The following MED13L variants were observed in gnomAD, a reference collection of about 807,000 sequenced individuals.
The protein encoded by MED13L is mediator complex subunit 13L, also known as mediator of RNA polymerase II transcription subunit 13-like.
MED13L carries 7 observed loss-of-function variants against 220.9 expected under a neutral mutation model. The ratio of observed to expected loss-of-function variants is 0.03; its 90% CI spans 0.02 to 0.06. The LOEUF is 0.06. Ranked by LOEUF, MED13L falls within the 10% of genes least tolerant of loss-of-function variation. MED13L has a pLI of 1.00. For synonymous variants in MED13L, 1,011 were observed against 1,015.2 expected (o/e 1.00, Z 0.08); for missense variants, 1,965 against 2,760.5 (o/e 0.71, Z 6.46).
intron 16 of MED13L, among the ~76,000 whole-genome samples, chr12:115,993,415 G>A (rs918453764): frequency 1.4e-4 from 21 of 152,200 alleles, no homozygotes; most frequent in East Asian, 7.7e-4. Flanking sequence ...AAAGAAGCAC[G>A]TCATAAAGAA....
At chr12:116,062,522 T>C (rs1413004368) in intron 4 of MED13L, among the ~76,000 whole-genome samples, 1 of 128,672 alleles carries the variant, frequency 7.8e-6, no homozygotes, top group Non-Finnish European at 1.6e-5. Context: ...GGAGACTCAC[T>C]CTGTTGCCAG....
chr12:116,167,240 C>G (rs997153369), intron 2 of MED13L, among the ~76,000 whole-genome samples: 1 of 151,994 alleles, frequency 6.6e-6, no homozygotes, highest in Non-Finnish European at 1.5e-5. Flanking sequence ...TAAAAAGATA[C>G]TAGGGTATGG....
At chr12:116,007,016 G>A (rs1189299187) in intron 11 of MED13L, 4 of 289,650 alleles carry the variant, frequency 1.4e-5, no homozygotes, top group Non-Finnish European at 2.7e-5. Flanking sequence ...GCTCAGCACA[G>A]TAAGGATAAG....
At chr12:115,976,133 T>C (rs1416854097) in intron 23 of MED13L, among the ~76,000 whole-genome samples, 1 of 152,192 alleles carries the variant, frequency 6.6e-6, no homozygotes, top group Non-Finnish European at 1.5e-5. Context: ...TTTTATACAT[T>C]GCTGCTTAAG....
intron 1 of MED13L, among the ~76,000 whole-genome samples, chr12:116,244,371 T>C (rs1367700731): frequency 6.6e-6 from 1 of 152,166 alleles, no homozygotes; most frequent in Non-Finnish European, 1.5e-5. Context: ...CTGTAAGACA[T>C]CAAGAAAAAC....
At chr12:116,198,914 A>T (rs1881825920) in intron 2 of MED13L, among the ~76,000 whole-genome samples, 1 of 152,238 alleles carries the variant, frequency 6.6e-6, no homozygotes, top group Non-Finnish European at 1.5e-5. Context: ...GTCTTAGTAC[A>T]TCAGAGTACA....
chr12:116,267,064 A>T (rs1020064888), intron 1 of MED13L, among the ~76,000 whole-genome samples: 3 of 152,220 alleles, frequency 2.0e-5, no homozygotes, highest in Non-Finnish European at 4.4e-5. Flanking sequence ...GACAAATCTC[A>T]AAGTGTTAAT....
intron 1 of MED13L, 97 bp from the exon 2 acceptor site, chr12:116,237,802 T>C (rs1743453018): frequency 1.9e-6 from 2 of 1,057,706 alleles, no homozygotes; most frequent in Non-Finnish European, 2.9e-6. Flanking sequence ...CTAAAATAAA[T>C]ATTTACACGA....
intron 2 of MED13L, among the ~76,000 whole-genome samples, chr12:116,172,128 C>T (rs1044736799): frequency 6.6e-6 from 1 of 152,148 alleles, no homozygotes; most frequent in Non-Finnish European, 1.5e-5. Context: ...CAATGAAGAT[C>T]CACTTAGGTA....
chr12:116,082,056 TAGA>T (rs920072600), intron 4 of MED13L, among the ~76,000 whole-genome samples: 1 of 152,170 alleles, frequency 6.6e-6, no homozygotes, highest in African/African-American at 2.4e-5. Flanking sequence ...CTTCATTAAA[TAGA>T]AGGCTAAGGA....
At chr12:116,120,364 G>C (rs1039161955) in intron 2 of MED13L, among the ~76,000 whole-genome samples, 1 of 151,882 alleles carries the variant, frequency 6.6e-6, no homozygotes, top group African/African-American at 2.4e-5. Flanking sequence ...AAATTAATGT[G>C]TTCTAGTTAC....
chr12:116,142,603 G>A (rs527514385), intron 2 of MED13L, among the ~76,000 whole-genome samples: 22 of 152,198 alleles, frequency 1.4e-4, no homozygotes, highest in African/African-American at 3.6e-4. Context: ...CAGGAGAATC[G>A]CTTGAACCGG....
intron 2 of MED13L, among the ~76,000 whole-genome samples, chr12:116,145,659 CTATTTATTTATT>C (rs558385895): frequency 3.2e-4 from 40 of 123,610 alleles, no homozygotes; most frequent in South Asian, 6.0e-4. Context: ...ACACTCAACT[CTATTTATTTATT>C]TATTTATTTA....
Position 116,239,612 on chromosome 12 carries a change from A to G in MED13L, c.73-1907T>C, listed in dbSNP as rs544824731. On this transcript the variant is annotated intron_variant, in intron 1 of 30. Transcript: ENST00000281928. ...CTGGACAATCTTCCATTTTATTTCC[A>G]CTACTGTAATTACTATAATTGGTTA... Among the ~76,000 whole-genome samples the G allele has an allele frequency of 5.9e-5, 9 of 152,308 alleles. No homozygotes were observed. The South Asian group carries it at 1.9e-3, about 32-fold the overall frequency.
At chr12:116,245,913 GCT>G (rs935785599) in intron 1 of MED13L, among the ~76,000 whole-genome samples, 1 of 152,156 alleles carries the variant, frequency 6.6e-6, no homozygotes, top group African/African-American at 2.4e-5. Flanking sequence ...GATTGAAAGA[GCT>G]CTCTGAGTGC....
intron 2 of MED13L, among the ~76,000 whole-genome samples, chr12:116,155,990 TACTCA>T (rs938407126): frequency 1.1e-4 from 16 of 150,834 alleles, no homozygotes; most frequent in African/African-American, 1.9e-4. Context: ...CTATTTTTCT[TACTCA>T]ACTCAATAAG....
intron 3 of MED13L, among the ~76,000 whole-genome samples, chr12:116,106,085 C>T (rs1474512842): frequency 6.6e-6 from 1 of 152,172 alleles, no homozygotes; most frequent in Non-Finnish European, 1.5e-5. Flanking sequence ...ATCAATTACT[C>T]ACAATGAACA....
chr12:116,093,056 T>A (rs1565873578), intron 4 of MED13L, among the ~76,000 whole-genome samples: 1 of 152,204 alleles, frequency 6.6e-6, no homozygotes, highest in Non-Finnish European at 1.5e-5. Context: ...TTTCAAATTC[T>A]CCTGTAATAA....
chr12:116,001,244 T>A (rs1398762749), intron 14 of MED13L, among the ~76,000 whole-genome samples: 1 of 152,226 alleles, frequency 6.6e-6, no homozygotes, highest in Non-Finnish European at 1.5e-5. Flanking sequence ...TCGCCGAGGC[T>A]GGAGTGCAGT....
Sources: allele counts gnomAD v4.1 joint callset (sites outside exome capture counted in the v4.1 genomes callset), GRCh38; gene constraint gnomAD v4.1.1; transcripts MANE v1.5; gene names NCBI Gene and HGNC (gene_info 2026-07-23, HGNC 2026-07-21).